COL4A4: variants seen among roughly 807,000 people sequenced by gnomAD.
COL4A4 encodes collagen alpha-4(IV) chain.
In COL4A4, 105 loss-of-function variants were observed where a neutral mutation model predicts 192.9. The observed-to-expected ratio is 0.54, with a 90% confidence interval of 0.46 to 0.64. COL4A4 has a LOEUF of 0.64. COL4A4 is among the 30% of genes least tolerant of loss of function. COL4A4 has a pLI of 0.00. For missense variants in COL4A4, 1,967 were observed against 2,169.3 expected, an observed-to-expected ratio of 0.91 and a Z score of 1.85; for synonymous variants, 762 against 769.9, an observed-to-expected ratio of 0.99 and a Z score of 0.17.
intron 4 of COL4A4, among the ~76,000 whole-genome samples, chr2:227,138,427 A>G (rs1186501294): frequency 6.6e-6 from 1 of 152,082 alleles, no homozygotes; most frequent in Non-Finnish European, 1.5e-5. Flanking sequence ...AGGTCAGGAG[A>G]TCGAGACCAT....
chr2:226,994,038 A>C, the COL4A4 span, among the ~76,000 whole-genome samples: 1 of 152,202 alleles, frequency 6.6e-6, no homozygotes, highest in African/African-American at 2.4e-5. Flanking sequence ...GGGTTCTGCA[A>C]ATGGGTCCAA....
chr2:227,080,464 T>A lies in COL4A4; in HGVS notation c.1782A>T (p.Glu594Asp). ...ATACTGGAGGTCCTGGATCCCCTTT[T>A]TCTCCAGCATGTCCATCCCGACCAT... ...GSHGRDGHAG[E>D]KGDPGPPGDH... The change falls in exon 24 of 48, where the codon GAA becomes GAT. Residue 594 changes from glutamate to aspartate, a missense_variant. Transcript: ENST00000396625. The A allele has an allele frequency of 6.2e-7, 1 of 1,614,134 alleles. No homozygotes were observed. Among genetic ancestry groups the A allele is most frequent in the Non-Finnish European group, 8.5e-7 (1 of 1,180,020 alleles).
intron 4 of COL4A4, among the ~76,000 whole-genome samples, chr2:227,124,250 C>A (rs373697023): frequency 6.6e-6 from 1 of 152,158 alleles, no homozygotes; most frequent in Non-Finnish European, 1.5e-5. Flanking sequence ...GGCAATTTTA[C>A]ATTCTATGAG....
chr2:226,969,747 A>C, the COL4A4 span, among the ~76,000 whole-genome samples: 2 of 152,228 alleles, frequency 1.3e-5, no homozygotes, highest in South Asian at 2.1e-4. Context: ...TAAGTCATTA[A>C]AAAGTTATTT....
At chr2:227,130,145 G>A (rs2062353266) in intron 4 of COL4A4, among the ~76,000 whole-genome samples, 1 of 152,218 alleles carries the variant, frequency 6.6e-6, no homozygotes, top group African/African-American at 2.4e-5. Context: ...GACTTCAGTG[G>A]CAGAGTGTTT....
At chr2:227,149,172 G>A (rs936022925) in intron 1 of COL4A4, among the ~76,000 whole-genome samples, 2 of 151,978 alleles carry the variant, frequency 1.3e-5, no homozygotes, top group Admixed American at 6.6e-5. Flanking sequence ...AAACTTCTAG[G>A]TAAAAGCTGA....
chr2:227,066,493 G>A (rs2058348727), intron 25 of COL4A4, among the ~76,000 whole-genome samples: 1 of 152,170 alleles, frequency 6.6e-6, no homozygotes, highest in Admixed American at 6.5e-5. Context: ...TCAAAGGGAA[G>A]CCCATCAGAC....
chr2:227,050,056 T>C lies in COL4A4; in HGVS notation c.3214+12A>G. The C allele has an allele frequency of 1.2e-6, 2 of 1,613,424 alleles. No individual in the cohort carries two copies. Among genetic ancestry groups the C allele is most frequent in the African/African-American group, 1.3e-5 (1 of 75,060 alleles). On this transcript the variant is annotated intron_variant, in intron 34 of 47. Coordinates refer to ENST00000396625, the MANE Select transcript of COL4A4 (RefSeq NM_000092.5). ...GCATTTGACAGATGGCTTCTGTATC[T>C]CCAAACCATACCTTTAGGTCCTCTT...
the COL4A4 span, among the ~76,000 whole-genome samples, chr2:226,973,401 G>A: frequency 6.6e-6 from 1 of 152,174 alleles, no homozygotes; most frequent in East Asian, 1.9e-4. Flanking sequence ...CTCATTATCT[G>A]GGAAAGTTGG....
At chr2:227,082,233 C>G in intron 22 of COL4A4, 46 bp from the exon 23 acceptor site, 1 of 1,399,528 alleles carries the variant, frequency 7.1e-7, no homozygotes, top group South Asian at 1.2e-5. Context: ...TGTGATGGAT[C>G]AACAGTTACA....
At chr2:226,978,012 G>T in the COL4A4 span, among the ~76,000 whole-genome samples, 1 of 152,206 alleles carries the variant, frequency 6.6e-6, no homozygotes, top group South Asian at 2.1e-4. Context: ...ACTCATAGAA[G>T]TATGTTCCAT....
chr2:227,104,096 T>C, intron 12 of COL4A4, 44 bp from the exon 13 acceptor site: 1 of 1,554,024 alleles, frequency 6.4e-7, no homozygotes, highest in Non-Finnish European at 8.8e-7. Flanking sequence ...TATTAATTTA[T>C]GTTTTGAAGG....
At chr2:227,106,563 T>C (rs963924477) in intron 12 of COL4A4, among the ~76,000 whole-genome samples, 1 of 125,194 alleles carries the variant, frequency 8.0e-6, no homozygotes, top group Admixed American at 7.3e-5. Flanking sequence ...TTTTATCTTA[T>C]TTTATTTATT....
At chr2:227,042,487 G>A (rs1971662058) in intron 36 of COL4A4, among the ~76,000 whole-genome samples, 1 of 151,986 alleles carries the variant, frequency 6.6e-6, no homozygotes. Context: ...CTTTTTTTCT[G>A]AATTGGCAGG....
the COL4A4 span, chr2:226,997,057 A>C: frequency 7.2e-5 from 11 of 152,298 alleles, no homozygotes; most frequent in Non-Finnish European, 1.5e-4. Flanking sequence ...GTCCAAATCC[A>C]ATCTGAATTT....
rs78579939 is a variant in COL4A4, at chr2:227,074,047, A to G, written c.1987+3847T>C. On this transcript the variant is annotated intron_variant, in intron 25 of 47. Coordinates refer to ENST00000396625, the MANE Select transcript of COL4A4 (RefSeq NM_000092.5). ...AATGCAACAAAAACTAAATACATAA[A>G]TGGGACCCAGTTAAACTAAAAGGCC... Among the ~76,000 whole-genome samples the G allele has an allele frequency of 7.2e-5, 11 of 152,224 alleles. No individual in the cohort carries two copies. In the East Asian group the frequency reaches 1.9e-3, roughly 27 times the overall value.
intron 4 of COL4A4, among the ~76,000 whole-genome samples, chr2:227,124,260 G>T (rs2061963142): frequency 6.6e-6 from 1 of 152,112 alleles, no homozygotes; most frequent in Non-Finnish European, 1.5e-5. Flanking sequence ...CATTCTATGA[G>T]GTTGGTGCAA....
chr2:227,109,339 C>T, intron 9 of COL4A4, 53 bp from the exon 10 acceptor site: 1 of 1,458,268 alleles, frequency 6.9e-7, no homozygotes, highest in Admixed American at 1.7e-5. Context: ...AATCATCTTT[C>T]ACAGAAAGAG....
rs766550724 is a variant in COL4A4 at position 227,007,354 on chromosome 2, G to A, written c.5044C>T (p.Arg1682Trp). Residue 1682 changes from arginine (R) to tryptophan (W), a missense_variant, in exon 48 of 48, where the codon CGG (arginine) becomes TGG (tryptophan). Physicochemically the swap from Arg to Trp is moderately radical, Grantham distance 101. Coordinates refer to ENST00000396625, the MANE Select transcript of COL4A4 (RefSeq NM_000092.5). ...ESQAQRQKISRCQVCVKYS is the reference protein window; with the variant it reads ...ESQAQRQKISWCQVCVKYS ...CTATACTTCACGCAGACCTGGCACC[G>A]GCTGATTTTCTGGCGTTGGGCCTGG... 21 of 1,614,124 alleles carry A rather than the reference G, an allele frequency of 1.3e-5. No homozygotes were observed. Among genetic ancestry groups the A allele is most frequent in the Admixed American group, 1.7e-5 (1 of 60,010 alleles).
Sources: allele counts gnomAD v4.1 joint callset (sites outside exome capture counted in the v4.1 genomes callset), GRCh38; gene constraint gnomAD v4.1.1; transcripts MANE v1.5; gene names NCBI Gene and HGNC (gene_info 2026-07-23, HGNC 2026-07-21).